OGDH: variants seen among roughly 807,000 people sequenced by gnomAD.
OGDH encodes the protein oxoglutarate dehydrogenase.
A neutral mutation model predicts 116.6 loss-of-function variants in OGDH; 38 were observed. That is an observed-to-expected ratio of 0.33 (90% CI 0.25 to 0.43). The LOEUF (loss-of-function observed/expected upper bound fraction) is 0.43. OGDH is among the 20% of genes least tolerant of loss of function. OGDH has a pLI of 1.00. For missense variants in OGDH, 825 were observed against 1,357.2 expected (o/e 0.61, Z 6.16); for synonymous variants, 488 against 533.3 (o/e 0.92, Z 1.17).
At chr7:44,619,639 G>A (rs1784934200) in intron 1 of OGDH, among the ~76,000 whole-genome samples, 1 of 152,200 alleles carries the variant, frequency 6.6e-6, no homozygotes, top group Non-Finnish European at 1.5e-5. Context: ...CCATTCGTCA[G>A]TGATGGACAT....
intron 4 of OGDH, 82 bp downstream of exon 4, chr7:44,647,841 A>G: frequency 1.0e-6 from 1 of 997,898 alleles, no homozygotes; most frequent in South Asian, 1.3e-5. Flanking sequence ...ATGTCCAGGC[A>G]GGAGGGAAAG....
At chr7:44,640,091 G>C in intron 2 of OGDH, among the ~76,000 whole-genome samples, 1 of 152,198 alleles carries the variant, frequency 6.6e-6, no homozygotes, top group East Asian at 1.9e-4. Flanking sequence ...TGTGGCTCAG[G>C]ACCAGAGAGC....
chr7:44,616,807 GCATATATACGTATATATGTGTATATATA>G (rs1182414603), intron 1 of OGDH, among the ~76,000 whole-genome samples: 1 of 127,220 alleles, frequency 7.9e-6, no homozygotes, highest in Non-Finnish European at 1.7e-5. Flanking sequence ...GTATATATAT[GCATATATACGTATATATGTGTATATATA>G]CACATATACG....
chr7:44,633,590 G>C (rs1475531720), intron 2 of OGDH, among the ~76,000 whole-genome samples: 1 of 152,218 alleles, frequency 6.6e-6, no homozygotes, highest in African/African-American at 2.4e-5. Context: ...AGGACTTTGG[G>C]ATTCTCATAT....
chr7:44,706,415 G>A (rs758894486), intron 20 of OGDH, among the ~76,000 whole-genome samples: 6 of 150,860 alleles, frequency 4.0e-5, no homozygotes, highest in Non-Finnish European at 8.8e-5. Flanking sequence ...TCCGCCTCCC[G>A]GGTTCAAGCA....
intron 20 of OGDH, among the ~76,000 whole-genome samples, chr7:44,704,775 A>G (rs1270680392): frequency 1.3e-5 from 2 of 151,924 alleles, no homozygotes; most frequent in East Asian, 1.9e-4. Context: ...CATTAGTGCA[A>G]TCTCAGCTCA....
At chr7:44,704,860 G>A (rs906172216) in intron 20 of OGDH, among the ~76,000 whole-genome samples, 4 of 151,148 alleles carry the variant, frequency 2.6e-5, no homozygotes, top group African/African-American at 4.9e-5. Flanking sequence ...ACAGGCGCAC[G>A]CCACCATGCC....
intron 9 of OGDH, among the ~76,000 whole-genome samples, chr7:44,678,801 T>C (rs972470338): frequency 8.5e-5 from 13 of 152,238 alleles, no homozygotes; most frequent in African/African-American, 2.9e-4. Context: ...TGATTTCTAT[T>C]AAATCCAGAA....
At chr7:44,614,350 T>C (rs964552315) in intron 1 of OGDH, among the ~76,000 whole-genome samples, 1 of 151,972 alleles carries the variant, frequency 6.6e-6, no homozygotes, top group Non-Finnish European at 1.5e-5. Context: ...TGAATTTGTT[T>C]ATGATGTGTC....
intron 10 of OGDH, among the ~76,000 whole-genome samples, chr7:44,691,657 A>G (rs1028510854): frequency 1.3e-5 from 2 of 152,136 alleles, no homozygotes; most frequent in African/African-American, 4.8e-5. Flanking sequence ...AGGAAGGGAT[A>G]TTAAACAACC....
At chr7:44,702,721 T>C (rs1327788232) in intron 20 of OGDH, among the ~76,000 whole-genome samples, 1 of 152,136 alleles carries the variant, frequency 6.6e-6, no homozygotes, top group East Asian at 1.9e-4. Context: ...GCCTCCCAAG[T>C]AGCTGGGACT....
chr7:44,633,609 G>C (rs1046685243), intron 2 of OGDH, among the ~76,000 whole-genome samples: 4 of 152,288 alleles, frequency 2.6e-5, no homozygotes, highest in Middle Eastern at 3.4e-3. Context: ...ATCTCTTCGC[G>C]TCCATGATTG....
intron 1 of OGDH, among the ~76,000 whole-genome samples, chr7:44,617,647 G>T (rs1019551130): frequency 6.6e-6 from 1 of 152,102 alleles, no homozygotes; most frequent in African/African-American, 2.4e-5. Flanking sequence ...AAAAATAATT[G>T]CAGGCATGAG....
chr7:44,653,005 A>G (rs559469871), intron 4 of OGDH, among the ~76,000 whole-genome samples: 2 of 152,328 alleles, frequency 1.3e-5, no homozygotes, highest in South Asian at 4.1e-4. Context: ...AGGCCCACTC[A>G]TTTGCCTAAT....
In OGDH at chr7:44,693,951, A is replaced by T; in HGVS notation, c.1462A>T (p.Lys488Ter). ...DDPEAVMYVC[K>*]VAAEWRSTFH... ...CCCCGAGGCTGTCATGTACGTGTGC[A>T]AAGTGGCGGCCGAGTGGAGGAGCAC... is the stretch of plus-strand genomic sequence containing the variant. The change falls in exon 11 of 23, where the codon AAA becomes TAA. Residue 488 changes from lysine (K) to a stop codon, truncating the protein, a stop_gained. Coordinates refer to ENST00000222673, the MANE Select transcript of OGDH (RefSeq NM_002541.4). LOFTEE classifies it high-confidence loss of function. 6.2e-7 allele frequency: 1 copy of T among 1,614,068 alleles called. No individual in the cohort carries two copies. The highest frequency in any genetic ancestry group is 8.5e-7 in the Non-Finnish European group (1 of 1,179,926).
At chr7:44,650,572 ACT>A (rs1193038150) in intron 4 of OGDH, among the ~76,000 whole-genome samples, 2 of 152,190 alleles carry the variant, frequency 1.3e-5, no homozygotes, top group African/African-American at 4.8e-5. Context: ...TAGCTGCCAA[ACT>A]CTCTGATAAT....
chr7:44,678,783 A>C (rs2116205876), intron 9 of OGDH, among the ~76,000 whole-genome samples: 1 of 152,316 alleles, frequency 6.6e-6, no homozygotes, highest in Non-Finnish European at 1.5e-5. Context: ...CACCCATAGG[A>C]CATGATTTGA....
chr7:44,699,920 G>A (rs570383339), intron 18 of OGDH, among the ~76,000 whole-genome samples: 41 of 152,244 alleles, frequency 2.7e-4, no homozygotes, highest in African/African-American at 7.7e-4. Flanking sequence ...ACCAGATCTC[G>A]TGTGAACTCA....
intron 2 of OGDH, among the ~76,000 whole-genome samples, chr7:44,633,252 C>CAAAAAAAA (rs1163808681): frequency 1.2e-5 from 1 of 81,684 alleles, no homozygotes; most frequent in Non-Finnish European, 2.3e-5. Flanking sequence ...GACTCTGTGT[C>CAAAAAAAA]AAAAAAAAAA....
Sources: allele counts gnomAD v4.1 joint callset (sites outside exome capture counted in the v4.1 genomes callset), GRCh38; gene constraint gnomAD v4.1.1; transcripts MANE v1.5; gene names NCBI Gene and HGNC (gene_info 2026-07-23, HGNC 2026-07-21).